The following ADAMTS3 variants were observed in gnomAD, a reference collection of about 807,000 sequenced individuals.
ADAMTS3 encodes the protein A disintegrin and metalloproteinase with thrombospondin motifs 3.
ADAMTS3 carries 73 observed loss-of-function variants against 129.0 expected under a neutral mutation model. The observed-to-expected ratio is 0.57, with a 90% confidence interval of 0.47 to 0.69. The LOEUF (loss-of-function observed/expected upper bound fraction) is 0.69, where lower values mean the gene tolerates loss of function less well. ADAMTS3 is among the 30% of genes least tolerant of loss of function. The pLI is 0.00. For synonymous variants in ADAMTS3, 477 were observed against 510.8 expected (o/e 0.93, Z 0.89); for missense variants, 1,457 against 1,514.5 (o/e 0.96, Z 0.63).
chr4:72,315,790 C>T (rs1043699413), intron 11 of ADAMTS3, 68 bp downstream of exon 11: 6 of 1,055,268 alleles, frequency 5.7e-6, no homozygotes, highest in Admixed American at 2.2e-5. Flanking sequence ...TTACCATTTT[C>T]CAGACCTTTA....
At chr4:72,449,137 C>G (rs1718329130) in intron 3 of ADAMTS3, among the ~76,000 whole-genome samples, 1 of 151,622 alleles carries the variant, frequency 6.6e-6, no homozygotes, top group South Asian at 2.1e-4. Flanking sequence ...GAAGACTGTG[C>G]TCTGGGCCTC....
At chr4:72,306,136 G>C (rs1324115727) in intron 15 of ADAMTS3, 69 bp from the exon 16 acceptor site, 4 of 1,200,012 alleles carry the variant, frequency 3.3e-6, no homozygotes, top group African/African-American at 1.6e-5. Flanking sequence ...GGTTAGTTGA[G>C]CACTACATTC....
intron 3 of ADAMTS3, among the ~76,000 whole-genome samples, chr4:72,418,648 GC>G (rs1560508643): frequency 6.6e-6 from 1 of 152,190 alleles, no homozygotes; most frequent in Non-Finnish European, 1.5e-5. Flanking sequence ...GGATACAGTT[GC>G]ATGGCTCACA....
At chr4:72,318,524 CA>C (rs1379178836) in intron 10 of ADAMTS3, 47 bp downstream of exon 10, 1 of 1,599,076 alleles carries the variant, frequency 6.3e-7, no homozygotes, top group Non-Finnish European at 8.5e-7. Flanking sequence ...AGGAGCTACA[CA>C]AATAGATTTC....
chr4:72,434,438 A>C (rs1321393451), intron 3 of ADAMTS3, among the ~76,000 whole-genome samples: 4 of 151,838 alleles, frequency 2.6e-5, no homozygotes, highest in Non-Finnish European at 5.9e-5. Context: ...ATAGAGTAGA[A>C]TAAGGTCCCG....
At chr4:72,403,207 G>T (rs1355059163) in intron 4 of ADAMTS3, among the ~76,000 whole-genome samples, 1 of 152,008 alleles carries the variant, frequency 6.6e-6, no homozygotes, top group African/African-American at 2.4e-5. Flanking sequence ...GTGAGGCCTG[G>T]ACATGGTACT....
At chr4:72,334,040 A>G (rs1458038723) in intron 5 of ADAMTS3, among the ~76,000 whole-genome samples, 1 of 151,412 alleles carries the variant, frequency 6.6e-6, no homozygotes, top group East Asian at 1.9e-4. Flanking sequence ...TTTTTAGTAG[A>G]GACGGGGTTT....
intron 4 of ADAMTS3, among the ~76,000 whole-genome samples, chr4:72,354,071 A>G (rs1242890334): frequency 2.0e-5 from 3 of 152,068 alleles, no homozygotes; most frequent in Non-Finnish European, 2.9e-5. Flanking sequence ...ATAAGACGGG[A>G]TAAGAGTTCA....
chr4:72,557,607 G>T (rs1250687770), intron 2 of ADAMTS3, among the ~76,000 whole-genome samples: 1 of 151,694 alleles, frequency 6.6e-6, no homozygotes, highest in Admixed American at 6.6e-5. Context: ...ATGAATAGTT[G>T]TGTACTTAAA....
At chr4:72,305,599 C>G (rs568175985) in intron 16 of ADAMTS3, among the ~76,000 whole-genome samples, 4 of 151,822 alleles carry the variant, frequency 2.6e-5, no homozygotes, top group African/African-American at 9.6e-5. Context: ...AGTTTCTATA[C>G]AAAATTAAAG....
chr4:72,417,026 A>C (rs1048705109), intron 3 of ADAMTS3, among the ~76,000 whole-genome samples: 5 of 152,230 alleles, frequency 3.3e-5, no homozygotes, highest in Non-Finnish European at 7.3e-5. Flanking sequence ...ATGGAAGTTT[A>C]TAAGGTGAAG....
At chr4:72,438,268 G>A (rs1020384544) in intron 3 of ADAMTS3, among the ~76,000 whole-genome samples, 2 of 151,588 alleles carry the variant, frequency 1.3e-5, no homozygotes, top group Non-Finnish European at 3.0e-5. Context: ...TCTAAAGCAG[G>A]GTTTCTCAAC....
chr4:72,374,363 CTT>C (rs1343934011), intron 4 of ADAMTS3, among the ~76,000 whole-genome samples: 1 of 151,650 alleles, frequency 6.6e-6, no homozygotes, highest in Non-Finnish European at 1.5e-5. Flanking sequence ...CAAGCCAAGA[CTT>C]ATTTTTAGCA....
At chr4:72,489,839 C>T (rs760576663) in intron 3 of ADAMTS3, among the ~76,000 whole-genome samples, 51 of 151,714 alleles carry the variant, frequency 3.4e-4, no homozygotes, top group Non-Finnish European at 6.8e-4. Flanking sequence ...CTGAGGGTCT[C>T]GGAACATATT....
chr4:72,511,638 A>AG (rs1373852039), intron 3 of ADAMTS3, among the ~76,000 whole-genome samples: 1 of 152,184 alleles, frequency 6.6e-6, no homozygotes, highest in African/African-American at 2.4e-5. Context: ...TGTGGAGAAA[A>AG]GGGTACTGTT....
At chr4:72,408,413 T>G (rs546312189) in intron 4 of ADAMTS3, among the ~76,000 whole-genome samples, 1 of 151,586 alleles carries the variant, frequency 6.6e-6, no homozygotes, top group South Asian at 2.1e-4. Context: ...AGACACACAA[T>G]TTGCAAAATC....
In ADAMTS3 at chr4:72,568,891, ATCT is replaced by A. The variant is rs1380499961; in HGVS notation, c.-132_-130del. 1.6e-5 allele frequency: 11 copies of A among 704,464 alleles called. No individual in the cohort carries two copies. The East Asian group carries it at 1.6e-4, about 10-fold the overall frequency. The allele number at this position is 704,464 out of a possible 1,614,324, so 43.6% of individuals were successfully genotyped here. On this transcript the variant is annotated 5_prime_UTR_variant, in exon 1 of 22. Coordinates refer to ENST00000286657, the MANE Select transcript of ADAMTS3 (RefSeq NM_014243.3). ...AAAAAATGCGAAATAGAAAAAAATG[ATCT>A]TCTGTGCTTTGCTTCAATGAAAATG... is the stretch of plus-strand genomic sequence containing the variant.
chr4:72,451,702 A>C (rs1241167055), intron 3 of ADAMTS3, among the ~76,000 whole-genome samples: 1 of 151,798 alleles, frequency 6.6e-6, no homozygotes, highest in Non-Finnish European at 1.5e-5. Context: ...CTCTGACAAG[A>C]TTTTTCATAA....
chr4:72,454,135 A>G (rs190471530), intron 3 of ADAMTS3, among the ~76,000 whole-genome samples: 1 of 151,496 alleles, frequency 6.6e-6, no homozygotes, highest in African/African-American at 2.4e-5. Context: ...GTTAAATTCT[A>G]TATTTCAAAC....
Sources: allele counts gnomAD v4.1 joint callset (sites outside exome capture counted in the v4.1 genomes callset), GRCh38; gene constraint gnomAD v4.1.1; transcripts MANE v1.5; gene names NCBI Gene and HGNC (gene_info 2026-07-23, HGNC 2026-07-21).